Variants in ARHGAP18 observed in about 807,000 individuals in gnomAD.
ARHGAP18 encodes the protein Rho GTPase activating protein 18, also known as rho GTPase-activating protein 18.
ARHGAP18 carries 67 observed loss-of-function variants against 86.2 expected under a neutral mutation model. The ratio of observed to expected loss-of-function variants is 0.78; its 90% CI spans 0.64 to 0.95. ARHGAP18 has a LOEUF of 0.95. ARHGAP18 is among the 40% of genes least tolerant of loss of function. The pLI, the probability that ARHGAP18 is intolerant of heterozygous loss-of-function variation, is 0.00. For synonymous variants in ARHGAP18, 283 were observed against 280.4 expected (o/e 1.01, Z -0.09); for missense variants, 691 against 780.4 (o/e 0.89, Z 1.37).
At chr6:129,580,235 C>A in intron 13 of ARHGAP18, 104 bp from the exon 14 acceptor site, 1 of 922,388 alleles carries the variant, frequency 1.1e-6, no homozygotes, top group Non-Finnish European at 1.7e-6. Context: ...AAATTCATAA[C>A]TTAGACACAC....
At chr6:129,615,909 G>C (rs1011677833) in intron 7 of ARHGAP18, among the ~76,000 whole-genome samples, 1 of 152,146 alleles carries the variant, frequency 6.6e-6, no homozygotes, top group African/African-American at 2.4e-5. Flanking sequence ...CAATTCCCTA[G>C]AAATTTATAA....
chr6:129,608,192 T>C, intron 8 of ARHGAP18, 140 bp from the exon 9 acceptor site: 3 of 1,085,254 alleles, frequency 2.8e-6, no homozygotes, highest in Non-Finnish European at 3.7e-6. Flanking sequence ...CAAAAGTCAA[T>C]ATTTCTTTTA....
At chr6:129,627,440 T>C (rs1034121004) in intron 5 of ARHGAP18, among the ~76,000 whole-genome samples, 19 of 152,044 alleles carry the variant, frequency 1.2e-4, no homozygotes, top group African/African-American at 4.3e-4. Context: ...CAATCACATA[T>C]CTGACGTAGT....
In ARHGAP18 at chr6:129,693,007, TTTATTTTAGA is replaced by T. The variant is rs541375062; in HGVS notation, c.113+17007_113+17016del. ...ACTTTTGAACCACCAAATAGGTCATTTTATTTTAGAACCTTTGGGTCTGTGGTAGGCCAAG... is the reference window on the plus strand; with the variant it reads ...ACTTTTGAACCACCAAATAGGTCATTACCTTTGGGTCTGTGGTAGGCCAAG... On this transcript the variant is annotated intron_variant, in intron 1 of 14. Coordinates refer to ENST00000368149, the MANE Select transcript of ARHGAP18 (RefSeq NM_033515.3). Among the ~76,000 whole-genome samples the T allele has an allele frequency of 1.2e-3, 181 of 152,312 alleles. 1 individual carries two copies. Among genetic ancestry groups the T allele is most frequent in the African/African-American group, 3.7e-3 (153 of 41,556 alleles).
At chr6:129,660,728 A>G (rs1469332653) in intron 1 of ARHGAP18, among the ~76,000 whole-genome samples, 3 of 152,178 alleles carry the variant, frequency 2.0e-5, no homozygotes, top group Non-Finnish European at 4.4e-5. Flanking sequence ...AATAGACAAG[A>G]ACTGATCTAG....
chr6:129,668,693 TTCTG>T (rs2114525660), intron 1 of ARHGAP18, among the ~76,000 whole-genome samples: 1 of 152,238 alleles, frequency 6.6e-6, no homozygotes, highest in South Asian at 2.1e-4. Context: ...TACCGTCCCC[TTCTG>T]TCTGACACCC....
chr6:129,587,232 G>A (rs966287478), intron 12 of ARHGAP18, among the ~76,000 whole-genome samples: 1 of 152,146 alleles, frequency 6.6e-6, no homozygotes, highest in East Asian at 1.9e-4. Context: ...AAGTTAAGGT[G>A]CCTCTATCCA....
At chr6:129,709,072 A>C (rs1774854674) in intron 1 of ARHGAP18, among the ~76,000 whole-genome samples, 1 of 152,204 alleles carries the variant, frequency 6.6e-6, no homozygotes, top group Non-Finnish European at 1.5e-5. Flanking sequence ...GCATTATTTC[A>C]GCTTAAGGCA....
At chr6:129,633,919 C>T in intron 4 of ARHGAP18, 123 bp downstream of exon 4, 1 of 822,146 alleles carries the variant, frequency 1.2e-6, no homozygotes, top group Non-Finnish European at 1.9e-6. Context: ...CACTTGAGAC[C>T]TTACATTAAC....
intron 5 of ARHGAP18, among the ~76,000 whole-genome samples, chr6:129,621,623 G>A (rs1789230860): frequency 6.6e-6 from 1 of 152,086 alleles, no homozygotes; most frequent in Non-Finnish European, 1.5e-5. Flanking sequence ...TAACTTACAA[G>A]GTTGTGGCGA....
At chr6:129,649,716 T>C (rs934194280) in intron 1 of ARHGAP18, among the ~76,000 whole-genome samples, 2 of 151,564 alleles carry the variant, frequency 1.3e-5, no homozygotes, top group Admixed American at 6.6e-5. Context: ...GCAAATGACC[T>C]GATTATCCTG....
chr6:129,638,282 C>T, intron 3 of ARHGAP18, 112 bp downstream of exon 3: 1 of 1,076,014 alleles, frequency 9.3e-7, no homozygotes, highest in Non-Finnish European at 1.4e-6. Flanking sequence ...GCTTTGGTGC[C>T]TGGCATAGAA....
chr6:129,633,382 C>A (rs1315809475), intron 4 of ARHGAP18, among the ~76,000 whole-genome samples: 4 of 144,796 alleles, frequency 2.8e-5, no homozygotes, highest in African/African-American at 7.8e-5. Context: ...TTGCAGTGAG[C>A]CAAGACGACG....
chr6:129,597,614 C>T (rs745812368), intron 12 of ARHGAP18, among the ~76,000 whole-genome samples: 1 of 152,016 alleles, frequency 6.6e-6, no homozygotes, highest in Non-Finnish European at 1.5e-5. Flanking sequence ...CCTGGCTCCT[C>T]GAGGGTGAGC....
rs926879636 is a variant in ARHGAP18, at chr6:129,634,243, CTAAGA to C, written c.553-143_553-139del. 4.7e-6 allele frequency: 3 copies of C among 638,044 alleles called. No individual in the cohort carries two copies. The African/African-American group carries it at 5.5e-5, about 12-fold the overall frequency. The allele number at this position is 638,044 out of a possible 1,614,324, so 39.5% of individuals were successfully genotyped here. On this transcript the variant is annotated intron_variant, in intron 3 of 14. Transcript: ENST00000368149. Reference sequence around the variant, plus strand: ...TAACAATCACAGTGAAAAAGGGGCACTAAGATAATAATCAACAAGCAATCATCCAA... The same window carrying C: ...TAACAATCACAGTGAAAAAGGGGCACTAATAATCAACAAGCAATCATCCAA...
In ARHGAP18 at chr6:129,584,016, CAT is replaced by C. The variant is rs1292697064; in HGVS notation, c.1808_1809del (p.Asp603GlyfsTer25). On this transcript the variant is annotated frameshift_variant, in exon 13 of 15. Transcript: ENST00000368149. LOFTEE classifies it high-confidence loss of function. ...TCTTGGCTGAGAAACCTGGCAAGTACATCACTGGCTTTTAGTTCTTCAGTTAG... is the reference window on the plus strand; with the variant it reads ...TCTTGGCTGAGAAACCTGGCAAGTACCACTGGCTTTTAGTTCTTCAGTTAG... ...IQLTEELKAS[D>X]VLARFLSQES... The C allele has an allele frequency of 2.5e-6, 4 of 1,613,278 alleles. No homozygotes were observed. The highest frequency in any genetic ancestry group is 3.4e-6 in the Non-Finnish European group (4 of 1,179,638).
chr6:129,618,618 C>G (rs1789144159), intron 6 of ARHGAP18, 69 bp downstream of exon 6: 1 of 1,432,702 alleles, frequency 7.0e-7, no homozygotes, highest in African/African-American at 1.4e-5. Context: ...CCCAGAAATA[C>G]TGCAAAAAAG....
At chr6:129,656,668 T>C (rs200533720) in intron 1 of ARHGAP18, among the ~76,000 whole-genome samples, 1 of 151,220 alleles carries the variant, frequency 6.6e-6, no homozygotes, top group Non-Finnish European at 1.5e-5. Flanking sequence ...AAATAAAAAA[T>C]AAAAAAAAAT....
At chr6:129,664,195 TC>T (rs1774000742) in intron 1 of ARHGAP18, among the ~76,000 whole-genome samples, 1 of 152,244 alleles carries the variant, frequency 6.6e-6, no homozygotes, top group Admixed American at 6.5e-5. Context: ...ATGATTGGCA[TC>T]TGAATTCTGC....
Sources: allele counts gnomAD v4.1 joint callset (sites outside exome capture counted in the v4.1 genomes callset), GRCh38; gene constraint gnomAD v4.1.1; transcripts MANE v1.5; gene names NCBI Gene and HGNC (gene_info 2026-07-23, HGNC 2026-07-21).